The following SMAD3 variants were observed in gnomAD, a reference collection of about 807,000 sequenced individuals.
SMAD3 encodes the protein MAD homolog 3.
SMAD3 carries 12 observed loss-of-function variants against 51.8 expected under a neutral mutation model. The ratio of observed to expected loss-of-function variants is 0.23; its 90% CI spans 0.15 to 0.38. The LOEUF (loss-of-function observed/expected upper bound fraction) is 0.38. Among genes scored for constraint, SMAD3 ranks in the 10% least tolerant of loss-of-function variants. SMAD3 has a pLI of 1.00. For synonymous variants in SMAD3, 238 were observed against 227.7 expected (o/e 1.05, Z -0.41); for missense variants, 294 against 565.6 (o/e 0.52, Z 4.87).
chr15:67,081,706 A>G (rs1960283261), intron 1 of SMAD3, among the ~76,000 whole-genome samples: 1 of 151,990 alleles, frequency 6.6e-6, no homozygotes, highest in Admixed American at 6.5e-5. Context: ...CCGTCTATAA[A>G]CGTTGCATCC....
chr15:67,115,269 G>A (rs1216181123), intron 1 of SMAD3, among the ~76,000 whole-genome samples: 1 of 151,372 alleles, frequency 6.6e-6, no homozygotes, highest in Non-Finnish European at 1.5e-5. Context: ...TTTTCCCACG[G>A]AAGCAGAATC....
At chr15:67,113,371 T>A (rs1013082591) in intron 1 of SMAD3, among the ~76,000 whole-genome samples, 9 of 152,012 alleles carry the variant, frequency 5.9e-5, no homozygotes, top group Non-Finnish European at 1.2e-4. Context: ...ATTACAGGCA[T>A]AAGCCACTGC....
intron 1 of SMAD3, among the ~76,000 whole-genome samples, chr15:67,100,449 A>G (rs551062492): frequency 9.3e-4 from 142 of 152,180 alleles, no homozygotes; most frequent in African/African-American, 3.1e-3. Context: ...CGGTGGTTGT[A>G]CAATATTGTG....
rs752568032 is a variant in SMAD3, at chr15:67,175,659, C to A, written c.658+5055C>A. ...GGTGTGAATCGGGGGCAAGTTGCCCCGTGAGTCAGGGTTAGGATTCTGGGT... is the reference window on the plus strand; with the variant it reads ...GGTGTGAATCGGGGGCAAGTTGCCCAGTGAGTCAGGGTTAGGATTCTGGGT... On this transcript the variant is annotated intron_variant, in intron 5 of 8. Transcript: ENST00000327367. 2.7e-4 allele frequency among the ~76,000 whole-genome samples: 41 copies of A among 152,192 alleles called. 1 individual carries two copies. The highest frequency in any genetic ancestry group is 1.3e-4 in the Admixed American group (2 of 15,276).
intron 1 of SMAD3, among the ~76,000 whole-genome samples, chr15:67,123,231 C>T (rs1171198260): frequency 6.6e-6 from 1 of 150,874 alleles, no homozygotes; most frequent in Non-Finnish European, 1.5e-5. Flanking sequence ...CGCAGTGGCT[C>T]ACACCTGTAA....
At chr15:67,164,565 T>C (rs1261173267) in intron 1 of SMAD3, among the ~76,000 whole-genome samples, 1 of 152,168 alleles carries the variant, frequency 6.6e-6, no homozygotes, top group Admixed American at 6.5e-5. Flanking sequence ...TCCTGGACCT[T>C]TTCCAAGCAC....
chr15:67,163,105 C>T (rs567391312), intron 1 of SMAD3, among the ~76,000 whole-genome samples: 1 of 152,220 alleles, frequency 6.6e-6, no homozygotes, highest in Admixed American at 6.5e-5. Context: ...TCCTGAGTAG[C>T]TGGGATTACA....
intron 1 of SMAD3, among the ~76,000 whole-genome samples, chr15:67,118,047 G>A (rs1052687940): frequency 2.0e-5 from 3 of 152,240 alleles, no homozygotes; most frequent in African/African-American, 7.2e-5. Context: ...GGCTGAGATC[G>A]CACCGTTGCA....
rs569421408 is a variant in SMAD3, at chr15:67,070,189, C to T, written c.206+3829C>T. Reference sequence around the variant, plus strand: ...TGGCTGCACTTCAGAGCACCATGCCCGTGTGGCCCATTGGAAGCAAGCCCC... The same window carrying T: ...TGGCTGCACTTCAGAGCACCATGCCTGTGTGGCCCATTGGAAGCAAGCCCC... On this transcript the variant is annotated intron_variant, in intron 1 of 8. Transcript: ENST00000327367. Among the ~76,000 whole-genome samples the T allele has an allele frequency of 9.2e-5, 14 of 152,282 alleles. No homozygotes were observed. In the South Asian group the frequency reaches 1.7e-3, roughly 18 times the overall value.
At chr15:67,152,145 T>C (rs1350215794) in intron 1 of SMAD3, among the ~76,000 whole-genome samples, 2 of 152,238 alleles carry the variant, frequency 1.3e-5, no homozygotes, top group African/African-American at 4.8e-5. Flanking sequence ...CTCTGTTCCC[T>C]TTACACTTTT....
intron 1 of SMAD3, chr15:67,098,937 A>G: frequency 1.4e-6 from 1 of 702,378 alleles, no homozygotes. Flanking sequence ...GCCCATGGAG[A>G]TGGGACAGTG....
chr15:67,071,626 A>C (rs911479504), intron 1 of SMAD3, among the ~76,000 whole-genome samples: 2 of 152,178 alleles, frequency 1.3e-5, no homozygotes, highest in Non-Finnish European at 1.5e-5. Flanking sequence ...TCTGGCTAAC[A>C]CGGTGAAACC....
chr15:67,132,959 C>G (rs552048329), intron 1 of SMAD3, among the ~76,000 whole-genome samples: 1 of 152,334 alleles, frequency 6.6e-6, no homozygotes, highest in South Asian at 2.1e-4. Context: ...ACATTCTGCC[C>G]TGTTCACTTG....
Position 67,190,661 on chromosome 15 carries a change from G to T in SMAD3, c.*125G>T. 1 of 1,009,176 alleles carries T rather than the reference G, an allele frequency of 9.9e-7. No homozygotes were observed. The highest frequency in any genetic ancestry group is 1.5e-6 in the Non-Finnish European group (1 of 667,042). 62.5% of individuals were successfully genotyped at this position (1,009,176 alleles called of 1,614,324 possible). A position where few individuals can be genotyped will look rare whatever the true frequency, so the allele number is the denominator to read the frequency against. ...AAGAAATCTTTCTCCCTCAACTGAAGGGGTGCACCCACCTGTTTTCTGAAA... is the reference window on the plus strand; with the variant it reads ...AAGAAATCTTTCTCCCTCAACTGAATGGGTGCACCCACCTGTTTTCTGAAA... On this transcript the variant is annotated 3_prime_UTR_variant, in exon 9 of 9. Transcript: ENST00000327367.
intron 1 of SMAD3, among the ~76,000 whole-genome samples, chr15:67,134,693 G>A (rs934871519): frequency 2.0e-5 from 3 of 152,124 alleles, no homozygotes; most frequent in East Asian, 1.9e-4. Flanking sequence ...CTAAAGGCGC[G>A]ACTCTGGCTC....
chr15:67,126,313 G>A (rs191385786), intron 1 of SMAD3, among the ~76,000 whole-genome samples: 2 of 152,148 alleles, frequency 1.3e-5, no homozygotes, highest in East Asian at 3.9e-4. Context: ...CTGAGTGGTG[G>A]GGCCATGCTG....
In SMAD3 at chr15:67,092,753, G is replaced by A. The variant is rs190469971; in HGVS notation, c.206+26393G>A. ...CCCCTTTAGGCCCAAGCCTGCCCTTGCTCTTAACCTCTTAATGGGTTTCTT... is the reference window on the plus strand; with the variant it reads ...CCCCTTTAGGCCCAAGCCTGCCCTTACTCTTAACCTCTTAATGGGTTTCTT... On this transcript the variant is annotated intron_variant, in intron 1 of 8. Transcript: ENST00000327367. 2.9e-3 allele frequency among the ~76,000 whole-genome samples: 447 copies of A among 152,318 alleles called. 5 individuals carry two copies. The highest frequency in any genetic ancestry group is 1.7e-3 in the Non-Finnish European group (115 of 68,020).
At chr15:67,113,435 G>A (rs1485403650) in intron 1 of SMAD3, among the ~76,000 whole-genome samples, 1 of 152,102 alleles carries the variant, frequency 6.6e-6, no homozygotes, top group Non-Finnish European at 1.5e-5. Context: ...AAAAGAATCT[G>A]TGGTAACTCT....
At chr15:67,131,762 T>C (rs1245777547) in intron 1 of SMAD3, among the ~76,000 whole-genome samples, 1 of 152,152 alleles carries the variant, frequency 6.6e-6, no homozygotes, top group East Asian at 1.9e-4. Flanking sequence ...AGAACCTTCT[T>C]TTGAGGCCTT....
Sources: gnomAD v4.1 joint callset for allele counts (sites outside exome capture counted in the v4.1 genomes callset) on GRCh38, gnomAD v4.1.1 for gene constraint, MANE v1.5 for transcripts, NCBI Gene and HGNC (gene_info 2026-07-23, HGNC 2026-07-21) for gene names.